Variants in RPSA observed in about 807,000 individuals in gnomAD.
RPSA encodes small ribosomal subunit protein uS2.
For missense variants in RPSA, 140 were observed against 372.8 expected (o/e 0.38, Z 5.14); for synonymous variants, 103 against 126.7 (o/e 0.81, Z 1.25).
rs1267648376 is a variant in RPSA, at chr3:39,406,731, T to A, written c.-67T>A. The A allele has an allele frequency of 5.6e-6, 2 of 357,834 alleles. No homozygotes were observed. Among genetic ancestry groups the A allele is most frequent in the Non-Finnish European group, 1.1e-5 (2 of 182,956 alleles). 22.2% of individuals were successfully genotyped at this position (357,834 alleles called of 1,614,324 possible). On this transcript the variant is annotated 5_prime_UTR_variant, in exon 1 of 7. Transcript: ENST00000301821. Reference sequence around the variant, plus strand: ...TTCCTGCCGCCTGTCTTTTCCGTGCTACCTGCAGAGGGGTCCATACGGCGT... The same window carrying A: ...TTCCTGCCGCCTGTCTTTTCCGTGCAACCTGCAGAGGGGTCCATACGGCGT...
rs937219592 is a variant in RPSA, at chr3:39,411,886, T to G, written c.628-10T>G. ...CTGTAAGTCTTTCCTCTTTTTTTTTTGTAACCCAGATTGAAAAAGAAGAGC... is the reference window on the plus strand; with the variant it reads ...CTGTAAGTCTTTCCTCTTTTTTTTTGGTAACCCAGATTGAAAAAGAAGAGC... On this transcript the variant is annotated splice_polypyrimidine_tract_variant and intron_variant, in intron 5 of 6. Transcript: ENST00000301821. The G allele has an allele frequency of 6.3e-7, 1 of 1,599,536 alleles. No individual in the cohort carries two copies. The highest frequency in any genetic ancestry group is 1.3e-5 in the African/African-American group (1 of 74,892).
At chr3:39,407,140 C>G (rs777203016) in intron 1 of RPSA, 3 of 376,954 alleles carry the variant, frequency 8.0e-6, no homozygotes, top group South Asian at 5.9e-5. Context: ...CGGGTTTTCC[C>G]TTCGCGCCGT....
chr3:39,410,592 G>T, intron 3 of RPSA, 162 bp from the exon 4 acceptor site: 1 of 776,786 alleles, frequency 1.3e-6, no homozygotes, highest in Non-Finnish European at 2.2e-6. Context: ...AATGTATGCA[G>T]GAAATCTCTG....
rs565744610 is a variant in RPSA, at chr3:39,406,893, C to G, written c.-34+129C>G. On this transcript the variant is annotated intron_variant, in intron 1 of 6. Coordinates refer to ENST00000301821, the MANE Select transcript of RPSA (RefSeq NM_002295.6). Reference sequence around the variant, plus strand: ...GGATCTGTCTCCCGCCCGGCGCGCCCCACCTTAGGCCTGCGGCCCGCACGT... The same window carrying G: ...GGATCTGTCTCCCGCCCGGCGCGCCGCACCTTAGGCCTGCGGCCCGCACGT... 3.8e-4 allele frequency: 175 copies of G among 456,118 alleles called. 1 individual carries two copies. Among genetic ancestry groups the G allele is most frequent in the South Asian group, 2.2e-3 (141 of 64,556 alleles). 28.3% of individuals were successfully genotyped at this position (456,118 alleles called of 1,614,324 possible).
chr3:39,410,694 T>C, intron 3 of RPSA, 60 bp from the exon 4 acceptor site: 2 of 1,610,600 alleles, frequency 1.2e-6, no homozygotes, highest in South Asian at 1.1e-5. Flanking sequence ...AAGTGCTTAC[T>C]GGGTGCCAGG....
chr3:39,407,420 C>G (rs774736995), intron 1 of RPSA, among the ~76,000 whole-genome samples: 1 of 152,142 alleles, frequency 6.6e-6, no homozygotes, highest in Non-Finnish European at 1.5e-5. Flanking sequence ...CTCGGTTACT[C>G]TGCCGTCCAC....
intron 3 of RPSA, chr3:39,408,957 G>C (rs1008074106): frequency 2.2e-6 from 1 of 445,968 alleles, no homozygotes; most frequent in Admixed American, 3.4e-5. Flanking sequence ...GTGGGGGCGG[G>C]TGCCTGTAGT....
chr3:39,408,422 G>C, intron 2 of RPSA, 184 bp from the exon 3 acceptor site: 1 of 766,588 alleles, frequency 1.3e-6, no homozygotes, highest in South Asian at 1.4e-5. Context: ...GTGGAGGCCA[G>C]TCTTGGCTCA....
At chr3:39,407,307 T>C (rs2041933546) in intron 1 of RPSA, among the ~76,000 whole-genome samples, 2 of 152,216 alleles carry the variant, frequency 1.3e-5, no homozygotes, top group Admixed American at 6.5e-5. Context: ...ACATGGCTGC[T>C]CTTTTGTATC....
At chr3:39,408,824 G>C (rs2041959167) in intron 3 of RPSA, 100 bp downstream of exon 3, 1 of 810,264 alleles carries the variant, frequency 1.2e-6, no homozygotes, top group Non-Finnish European at 2.2e-6. Context: ...CTCAGGCCGG[G>C]CGCGGTGGCT....
intron 2 of RPSA, 65 bp from the exon 3 acceptor site, chr3:39,408,541 G>A (rs1449201031): frequency 1.0e-6 from 1 of 963,678 alleles, no homozygotes; most frequent in South Asian, 1.3e-5. Flanking sequence ...GCCACATAGA[G>A]TAAACTTGAG....
chr3:39,407,927 T>C (rs1188016126), intron 2 of RPSA, 141 bp downstream of exon 2: 1 of 641,728 alleles, frequency 1.6e-6, no homozygotes, highest in African/African-American at 1.8e-5. Flanking sequence ...ATACTTTAAA[T>C]AAATGTTCTT....
intron 3 of RPSA, chr3:39,409,100 GA>G (rs145906801): frequency 0.061 from 7,312 of 119,088 alleles, 323 homozygotes; most frequent in East Asian, 0.18. Context: ...AAAAAAAAAA[GA>G]AAATAGAAAA....
rs996916762 is a variant in RPSA at position 39,407,609 on chromosome 3, C to G, written c.-33-12C>G. On this transcript the variant is annotated splice_polypyrimidine_tract_variant and intron_variant, in intron 1 of 6. Transcript: ENST00000301821. ...ATGGAATGAAAAGAAATAGGTTGCT[C>G]TCTTATTTCAGATTCCCGTCGTAAC... is the stretch of plus-strand genomic sequence containing the variant. 1.3e-6 allele frequency: 2 copies of G among 1,584,838 alleles called. No homozygotes were observed. Among genetic ancestry groups the G allele is most frequent in the South Asian group, 2.2e-5 (2 of 90,764 alleles).
intron 3 of RPSA, 177 bp from the exon 4 acceptor site, chr3:39,410,577 T>C (rs2041991890): frequency 1.4e-6 from 1 of 700,764 alleles, no homozygotes; most frequent in African/African-American, 1.8e-5. Flanking sequence ...AAGCCTGTCT[T>C]TTTTAATGTA....
chr3:39,411,832 TGCTTCTA>T, intron 5 of RPSA, 55 bp downstream of exon 5: 1 of 1,599,562 alleles, frequency 6.3e-7, no homozygotes, highest in South Asian at 1.1e-5. Flanking sequence ...ACTTGGACTG[TGCTTCTA>T]GGAAGCAAAA....
At chr3:39,406,827 A>T (rs1451823046) in intron 1 of RPSA, 63 bp downstream of exon 1, 2 of 455,626 alleles carry the variant, frequency 4.4e-6, no homozygotes, top group Non-Finnish European at 8.8e-6. Flanking sequence ...TTCCTGCTCA[A>T]ATGAAGGGTG....
chr3:39,412,066 G>C lies in RPSA; in HGVS notation c.793+5G>C. On this transcript the variant is annotated splice_donor_5th_base_variant and intron_variant, in intron 6 of 6. Coordinates refer to ENST00000301821, the MANE Select transcript of RPSA (RefSeq NM_002295.6). ...CTATTCAGCAATTCCCTACTGGTATGTATCAGGATAGAGGTGAATCAAGCT... is the reference window on the plus strand; with the variant it reads ...CTATTCAGCAATTCCCTACTGGTATCTATCAGGATAGAGGTGAATCAAGCT... 1 of 1,611,020 alleles carries C rather than the reference G, an allele frequency of 6.2e-7. No homozygotes were observed. The highest frequency in any genetic ancestry group is 8.5e-7 in the Non-Finnish European group (1 of 1,179,346).
In RPSA at chr3:39,411,633, C is replaced by A. The variant is rs375711538; in HGVS notation, c.499-16C>A. On this transcript the variant is annotated splice_polypyrimidine_tract_variant and intron_variant, in intron 4 of 6. Transcript: ENST00000301821. Reference sequence around the variant, plus strand: ...TGACCAAGTGTCACTTTTTAATAATCTGCCACTCTTGGCAGGGAGCTCACT... The same window carrying A: ...TGACCAAGTGTCACTTTTTAATAATATGCCACTCTTGGCAGGGAGCTCACT... The A allele has an allele frequency of 6.2e-7, 1 of 1,609,674 alleles. No individual in the cohort carries two copies. Among genetic ancestry groups the A allele is most frequent in the East Asian group, 2.2e-5 (1 of 44,884 alleles).
Sources: allele counts gnomAD v4.1 joint callset (sites outside exome capture counted in the v4.1 genomes callset), GRCh38; gene constraint gnomAD v4.1.1; transcripts MANE v1.5; gene names NCBI Gene and HGNC (gene_info 2026-07-23, HGNC 2026-07-21).